LRRC38: variants seen among roughly 807,000 people sequenced by gnomAD.
LRRC38 encodes the protein leucine-rich repeat-containing protein 38.
A neutral mutation model predicts 16.4 loss-of-function variants in LRRC38; 5 were observed. That is an observed-to-expected ratio of 0.31 (90% CI 0.16 to 0.64). The LOEUF is 0.64. Among genes scored for constraint, LRRC38 ranks in the 30% least tolerant of loss-of-function variants. The probability of loss-of-function intolerance (pLI) is 0.80; values close to 1 mark genes in which losing one functional copy is unlikely to be tolerated. For missense variants in LRRC38, 341 were observed against 401.8 expected (o/e 0.85, Z 1.29); for synonymous variants, 191 against 190.2 (o/e 1.00, Z -0.04).
Position 13,475,637 on chromosome 1 carries a change from C to G in LRRC38, c.*209G>C, listed in dbSNP as rs912024520. On this transcript the variant is annotated 3_prime_UTR_variant, in exon 2 of 2. Coordinates refer to ENST00000376085, the MANE Select transcript of LRRC38 (RefSeq NM_001010847.2). The surrounding 1 kb of genome is among the most constrained non-coding windows in gnomAD (Gnocchi z 4.3). The stretch of plus-strand genomic sequence containing the variant: ...GGTTATGCTCCAGGAATAATTCCCT[C>G]CATCCTTCCTGGGCTTCTGTGCTCT... 8.3e-6 allele frequency: 5 copies of G among 600,628 alleles called. No homozygotes were observed. Among genetic ancestry groups the G allele is most frequent in the East Asian group, 5.7e-5 (2 of 34,920 alleles). The allele number at this position is 600,628 out of a possible 1,614,324, so 37.2% of individuals were successfully genotyped here. A position where few individuals can be genotyped will look rare whatever the true frequency, so the allele number is the denominator to read the frequency against.
chr1:13,481,383 T>TA (rs1330145938), intron 1 of LRRC38, among the ~76,000 whole-genome samples: 101 of 127,904 alleles, frequency 7.9e-4, no homozygotes, highest in African/African-American at 2.6e-3. Flanking sequence ...TATGTTTTTT[T>TA]TATTTTTTTT....
At chr1:13,512,928 T>TC in intron 1 of LRRC38, 35 bp downstream of exon 1, 24 of 435,426 alleles carry the variant, frequency 5.5e-5, no homozygotes, top group South Asian at 1.7e-4. Flanking sequence ...CCTGCCCCCC[T>TC]CCCTCCCTCC....
intron 1 of LRRC38, among the ~76,000 whole-genome samples, chr1:13,511,260 A>G (rs1421850542): frequency 6.6e-6 from 1 of 152,184 alleles, no homozygotes; most frequent in Non-Finnish European, 1.5e-5. Context: ...TGGACTATGC[A>G]GCATTACCCA....
At chr1:13,507,879 G>A (rs966116955) in intron 1 of LRRC38, among the ~76,000 whole-genome samples, 1 of 151,442 alleles carries the variant, frequency 6.6e-6, no homozygotes, top group Non-Finnish European at 1.5e-5. Flanking sequence ...GGCTACACCT[G>A]TACTCTCTGC....
At chr1:13,488,032 TTGTG>T (rs71570140) in intron 1 of LRRC38, among the ~76,000 whole-genome samples, 283 of 146,988 alleles carry the variant, frequency 1.9e-3, no homozygotes, top group East Asian at 0.011. Context: ...TTGTGTGTGT[TTGTG>T]TGTGTGTGTG....
At chr1:13,496,174 GGAGA>G (rs1165543483) in intron 1 of LRRC38, among the ~76,000 whole-genome samples, 1 of 148,216 alleles carries the variant, frequency 6.7e-6, no homozygotes, top group Non-Finnish European at 1.5e-5. Context: ...TATATATTAC[GGAGA>G]GAGAGAGATA....
Position 13,487,155 on chromosome 1 carries a change from G to A in LRRC38, c.632-11056C>T, listed in dbSNP as rs1638945335. On this transcript the variant is annotated intron_variant, in intron 1 of 1. Transcript: ENST00000376085. The surrounding 1 kb of genome is among the most constrained non-coding windows in gnomAD (Gnocchi z 4.4). ...ATTCTGTGAACTATCTGACATCCCT[G>A]CAACAAATTCCTTCCCTGCCTACAT... Among the ~76,000 whole-genome samples, 1 of 152,166 alleles carries A rather than the reference G, an allele frequency of 6.6e-6. No individual in the cohort carries two copies. Among genetic ancestry groups the A allele is most frequent in the Non-Finnish European group, 1.5e-5 (1 of 68,030 alleles).
At chr1:13,496,641 C>T (rs1475027833) in intron 1 of LRRC38, among the ~76,000 whole-genome samples, 1 of 152,200 alleles carries the variant, frequency 6.6e-6, no homozygotes, top group East Asian at 1.9e-4. Context: ...CCGAGTCATT[C>T]ATCCCTTCAA....
chr1:13,509,266 C>T (rs1354644387), intron 1 of LRRC38, among the ~76,000 whole-genome samples: 3 of 152,152 alleles, frequency 2.0e-5, no homozygotes, highest in Admixed American at 6.5e-5. Context: ...ACCTTCAGGC[C>T]ACACGTGGCT....
At chr1:13,497,244 C>T (rs988766934) in intron 1 of LRRC38, among the ~76,000 whole-genome samples, 3 of 152,056 alleles carry the variant, frequency 2.0e-5, no homozygotes, top group Non-Finnish European at 2.9e-5. Context: ...AGGGAGGGGC[C>T]GCTGCTCCAG....
At chr1:13,482,182 A>G (rs1197037234) in intron 1 of LRRC38, among the ~76,000 whole-genome samples, 1 of 152,042 alleles carries the variant, frequency 6.6e-6, no homozygotes, top group Non-Finnish European at 1.5e-5. Context: ...GAGTGGGAGG[A>G]AGAGAGAGAG....
chr1:13,493,404 G>C (rs1639041594), intron 1 of LRRC38, among the ~76,000 whole-genome samples: 1 of 152,150 alleles, frequency 6.6e-6, no homozygotes. Context: ...GCCATTATCT[G>C]ACCTTCTACT....
chr1:13,479,977 G>A (rs931360438), intron 1 of LRRC38, among the ~76,000 whole-genome samples: 1 of 152,198 alleles, frequency 6.6e-6, no homozygotes, highest in African/African-American at 2.4e-5. Context: ...CCTGTGTCCT[G>A]TAGGATGTTC....
At chr1:13,477,009 G>A (rs1428392059) in intron 1 of LRRC38, among the ~76,000 whole-genome samples, 1 of 152,104 alleles carries the variant, frequency 6.6e-6, no homozygotes, top group African/African-American at 2.4e-5. Context: ...GGAGGCTGAG[G>A]CACAAGAATC....
At chr1:13,476,201 T>C in intron 1 of LRRC38, 102 bp from the exon 2 acceptor site, 5 of 1,060,414 alleles carry the variant, frequency 4.7e-6, no homozygotes, top group Admixed American at 2.8e-5. Context: ...TGTGCAAGCA[T>C]CCTCCCAAAA....
intron 1 of LRRC38, among the ~76,000 whole-genome samples, chr1:13,482,641 G>A (rs1197211830): frequency 6.6e-6 from 1 of 151,584 alleles, no homozygotes; most frequent in African/African-American, 2.4e-5. Context: ...CAAGCTCACA[G>A]AGGGGGCTTT....
At chr1:13,503,409 C>T (rs1639173919) in intron 1 of LRRC38, among the ~76,000 whole-genome samples, 1 of 152,188 alleles carries the variant, frequency 6.6e-6, no homozygotes, top group South Asian at 2.1e-4. Context: ...GCTGGGACTA[C>T]AGGCATGCTC....
rs375903980 is a variant in LRRC38 at position 13,501,373 on chromosome 1, C to A, written c.631+11590G>T. Among the ~76,000 whole-genome samples, 18 of 152,152 alleles carry A rather than the reference C, an allele frequency of 1.2e-4. No homozygotes were observed. In the East Asian group the frequency reaches 2.5e-3, roughly 21 times the overall value. On this transcript the variant is annotated intron_variant, in intron 1 of 1. Coordinates refer to ENST00000376085, the MANE Select transcript of LRRC38 (RefSeq NM_001010847.2). The stretch of plus-strand genomic sequence containing the variant: ...TACTGTCTGCTTAATTTTCCATAAA[C>A]CTCAAATTGCTCTTAACAAAGTCTA...
At chr1:13,489,820 C>T (rs975321814) in intron 1 of LRRC38, among the ~76,000 whole-genome samples, 3 of 152,142 alleles carry the variant, frequency 2.0e-5, no homozygotes, top group Non-Finnish European at 4.4e-5. Context: ...ACTCCCGTCT[C>T]GTCTCCACCG....
Sources: allele counts gnomAD v4.1 joint callset (sites outside exome capture counted in the v4.1 genomes callset), GRCh38; gene constraint gnomAD v4.1.1; non-coding constraint Gnocchi (gnomAD v3.1); transcripts MANE v1.5; gene names NCBI Gene and HGNC (gene_info 2026-07-23, HGNC 2026-07-21).